The following UIMC1 variants were observed in gnomAD, a reference collection of about 807,000 sequenced individuals.
The protein encoded by UIMC1 is ubiquitin interaction motif containing 1, also known as BRCA1-A complex subunit RAP80.
Under a neutral mutation model 84.9 loss-of-function variants are expected in UIMC1, and 42 were observed. That is an observed-to-expected ratio of 0.49 (90% CI 0.39 to 0.64). The LOEUF (loss-of-function observed/expected upper bound fraction) is 0.64. UIMC1 is among the 30% of genes least tolerant of loss of function. The pLI, the probability that UIMC1 is intolerant of heterozygous loss-of-function variation, is 0.00. For synonymous variants in UIMC1, 281 were observed against 293.0 expected (o/e 0.96, Z 0.42); for missense variants, 825 against 847.6 (o/e 0.97, Z 0.33).
intron 10 of UIMC1, among the ~76,000 whole-genome samples, chr5:176,941,313 T>C (rs542576673): frequency 1.6e-3 from 249 of 152,308 alleles, no homozygotes; most frequent in African/African-American, 5.8e-3. Flanking sequence ...CTAAATTTAC[T>C]GCTAAATAAA....
At chr5:176,940,175 T>C (rs1292534816) in intron 10 of UIMC1, among the ~76,000 whole-genome samples, 2 of 152,168 alleles carry the variant, frequency 1.3e-5, no homozygotes, top group African/African-American at 4.8e-5. Flanking sequence ...ACCACAAGGA[T>C]TTGGGGATGT....
intron 10 of UIMC1, among the ~76,000 whole-genome samples, chr5:176,920,166 C>T (rs1458433092): frequency 2.0e-5 from 3 of 152,020 alleles, no homozygotes; most frequent in African/African-American, 7.3e-5. Flanking sequence ...GGATTACAGG[C>T]ATGCACCACC....
upstream of UIMC1, among the ~76,000 whole-genome samples, chr5:177,008,705 T>C (rs1177648254): frequency 6.6e-6 from 1 of 152,162 alleles, no homozygotes; most frequent in Non-Finnish European, 1.5e-5. Context: ...AACCACACTC[T>C]TGTGTAATCT....
At chr5:177,006,021 G>T (rs916034418) in intron 1 of UIMC1, among the ~76,000 whole-genome samples, 1 of 152,110 alleles carries the variant, frequency 6.6e-6, no homozygotes, top group Non-Finnish European at 1.5e-5. Context: ...TTATTTTCGG[G>T]GCAAATAATT....
chr5:176,924,204 G>A (rs1222636099), intron 10 of UIMC1, among the ~76,000 whole-genome samples: 1 of 151,596 alleles, frequency 6.6e-6, no homozygotes, highest in African/African-American at 2.4e-5. Context: ...TGTAATCCCA[G>A]CTACTCAGGA....
intron 10 of UIMC1, among the ~76,000 whole-genome samples, chr5:176,920,788 T>C (rs1419218425): frequency 6.6e-6 from 1 of 152,194 alleles, no homozygotes; most frequent in Non-Finnish European, 1.5e-5. Flanking sequence ...CTTTCCTAAC[T>C]GTCCTGGCTA....
intron 8 of UIMC1, among the ~76,000 whole-genome samples, chr5:176,954,361 T>C (rs1010385331): frequency 2.6e-5 from 4 of 152,258 alleles, no homozygotes; most frequent in Non-Finnish European, 4.4e-5. Flanking sequence ...ATCTGAGCAC[T>C]CGGTAGTGTA....
At chr5:176,941,848 CTT>C (rs561667860) in intron 10 of UIMC1, among the ~76,000 whole-genome samples, 2 of 146,286 alleles carry the variant, frequency 1.4e-5, no homozygotes, top group Admixed American at 6.8e-5. Flanking sequence ...TTGGTACAGA[CTT>C]TTTTTTTTTT....
intron 1 of UIMC1, among the ~76,000 whole-genome samples, chr5:176,994,796 T>A (rs1004552573): frequency 4.6e-5 from 7 of 152,160 alleles, no homozygotes; most frequent in African/African-American, 1.7e-4. Context: ...CAAAGGCAGT[T>A]AATTAAATTG....
At chr5:176,912,856 C>T (rs1218801234) in intron 10 of UIMC1, among the ~76,000 whole-genome samples, 2 of 151,926 alleles carry the variant, frequency 1.3e-5, no homozygotes, top group South Asian at 2.1e-4. Flanking sequence ...TTATTAGAGA[C>T]GGGGTTTCAC....
chr5:177,020,687 T>C (rs934976649), intron 1 of UIMC1, among the ~76,000 whole-genome samples: 1 of 152,172 alleles, frequency 6.6e-6, no homozygotes, highest in Non-Finnish European at 1.5e-5. Context: ...TGCCTCGGCC[T>C]CCCAAAGTGC....
At chr5:176,969,460 T>C (rs374292152) in intron 5 of UIMC1, 141 bp downstream of exon 5, 26 of 1,265,808 alleles carry the variant, frequency 2.1e-5, no homozygotes, top group Non-Finnish European at 2.7e-5. Context: ...GATATTCTTA[T>C]GATCTCAACT....
At chr5:176,972,589 A>G (rs1428285854) in intron 3 of UIMC1, among the ~76,000 whole-genome samples, 1 of 151,678 alleles carries the variant, frequency 6.6e-6, no homozygotes, top group Non-Finnish European at 1.5e-5. Flanking sequence ...TACAAAAATT[A>G]GCTGGGCGTG....
chr5:177,022,429 C>T (rs996946390), intron 1 of UIMC1: 5 of 338,610 alleles, frequency 1.5e-5, no homozygotes, highest in African/African-American at 1.1e-4. Context: ...CATAACGGGA[C>T]CTTGAGAACG....
intron 10 of UIMC1, among the ~76,000 whole-genome samples, chr5:176,933,669 T>C (rs1763384584): frequency 6.6e-6 from 1 of 152,056 alleles, no homozygotes; most frequent in African/African-American, 2.4e-5. Context: ...CCGAAGTAAC[T>C]GGGACTACAG....
intron 10 of UIMC1, among the ~76,000 whole-genome samples, chr5:176,915,371 T>C (rs1004819235): frequency 6.6e-6 from 1 of 152,076 alleles, no homozygotes; most frequent in Non-Finnish European, 1.5e-5. Flanking sequence ...TATGAGGACC[T>C]ATTTTGTGCC....
At chr5:176,969,397 C>T (rs1276051336) in intron 5 of UIMC1, 106 bp from the exon 6 acceptor site, 5 of 1,466,988 alleles carry the variant, frequency 3.4e-6, no homozygotes, top group Non-Finnish European at 4.6e-6. Flanking sequence ...AAGAAAGGCT[C>T]TTCTTTGGGT....
upstream of UIMC1, among the ~76,000 whole-genome samples, chr5:177,008,963 A>G (rs1297105204): frequency 6.6e-6 from 1 of 151,982 alleles, no homozygotes; most frequent in Non-Finnish European, 1.5e-5. Flanking sequence ...AGACCTGTCT[A>G]AGCTGTGTCC....
intron 10 of UIMC1, among the ~76,000 whole-genome samples, chr5:176,917,837 T>A (rs1406119198): frequency 2.6e-5 from 4 of 152,180 alleles, no homozygotes; most frequent in Non-Finnish European, 4.4e-5. Context: ...CGCATGCCTA[T>A]AACCTCAGCT....
Sources: gnomAD v4.1 joint callset for allele counts (sites outside exome capture counted in the v4.1 genomes callset) on GRCh38, gnomAD v4.1.1 for gene constraint, MANE v1.5 for transcripts, NCBI Gene and HGNC (gene_info 2026-07-23, HGNC 2026-07-21) for gene names.